Variants in FBXL7 observed in about 807,000 individuals in gnomAD.
The protein encoded by FBXL7 is F-box and leucine rich repeat protein 7.
A neutral mutation model predicts 38.3 loss-of-function variants in FBXL7; 12 were observed. That is an observed-to-expected ratio of 0.31 (90% CI 0.20 to 0.51). The LOEUF is 0.51. Ranked by LOEUF, FBXL7 falls within the 20% of genes least tolerant of loss-of-function variation. FBXL7 has a pLI of 0.98. For synonymous variants in FBXL7, 297 were observed against 300.9 expected (o/e 0.99, Z 0.13); for missense variants, 567 against 676.4 (o/e 0.84, Z 1.79).
intron 2 of FBXL7, among the ~76,000 whole-genome samples, chr5:15,728,490 G>A (rs1336313855): frequency 6.6e-6 from 1 of 152,062 alleles, no homozygotes; most frequent in African/African-American, 2.4e-5. Context: ...TTCTCACAAA[G>A]CAAACTTTTA....
intron 2 of FBXL7, among the ~76,000 whole-genome samples, chr5:15,620,438 C>T (rs1254912636): frequency 2.8e-5 from 4 of 142,548 alleles, no homozygotes; most frequent in East Asian, 2.0e-4. Flanking sequence ...TAAGTAGAAA[C>T]GGGGTTTCAC....
intron 2 of FBXL7, among the ~76,000 whole-genome samples, chr5:15,904,037 C>A (rs1424728229): frequency 6.6e-6 from 1 of 152,104 alleles, no homozygotes; most frequent in African/African-American, 2.4e-5. Context: ...GTATACCTTA[C>A]AATAGTTACT....
chr5:15,856,011 G>A (rs1212124468), intron 2 of FBXL7, among the ~76,000 whole-genome samples: 1 of 152,056 alleles, frequency 6.6e-6, no homozygotes, highest in African/African-American at 2.4e-5. Flanking sequence ...ACAAATAGAG[G>A]GGATGTATTA....
At chr5:15,626,258 T>A (rs1260229836) in intron 2 of FBXL7, among the ~76,000 whole-genome samples, 1 of 152,146 alleles carries the variant, frequency 6.6e-6, no homozygotes, top group Non-Finnish European at 1.5e-5. Context: ...AGGTAACTTT[T>A]GAAAAACTGC....
At position 15,858,307 on chromosome 5, in the gene FBXL7, A is replaced by T. The variant is rs946300340; in HGVS notation, c.128-69583A>T. Among the ~76,000 whole-genome samples, 14 of 151,990 alleles carry T rather than the reference A, an allele frequency of 9.2e-5. 1 individual carries two copies. Among genetic ancestry groups the T allele is most frequent in the African/African-American group, 3.4e-4 (14 of 41,498 alleles). On this transcript the variant is annotated intron_variant, in intron 2 of 3. Coordinates refer to ENST00000504595, the MANE Select transcript of FBXL7 (RefSeq NM_012304.5). ...ACATTTTATCTATCATATAACAAAT[A>T]ACCATAAATGACACATCAGCATTGA...
rs138116980 is a variant in FBXL7, at chr5:15,517,228, G to A, written c.37+16515G>A. On this transcript the variant is annotated intron_variant, in intron 1 of 3. Transcript: ENST00000504595. ...TTTTTAGTAGAGACGGGGTTTCACC[G>A]TGTTAGCCAGGATGGTCTCGATCAT... is the stretch of plus-strand genomic sequence containing the variant. Among the ~76,000 whole-genome samples, 568 of 152,038 alleles carry A rather than the reference G, an allele frequency of 3.7e-3. 4 individuals are homozygous for A. The highest frequency in any genetic ancestry group is 6.1e-3 in the Non-Finnish European group (415 of 67,966).
intron 2 of FBXL7, among the ~76,000 whole-genome samples, chr5:15,896,443 T>C (rs960074724): frequency 1.3e-5 from 2 of 152,158 alleles, no homozygotes; most frequent in South Asian, 4.1e-4. Flanking sequence ...ACCTATCTCA[T>C]AGTTCCAGCT....
At chr5:15,773,585 G>C (rs1168373355) in intron 2 of FBXL7, among the ~76,000 whole-genome samples, 2 of 152,122 alleles carry the variant, frequency 1.3e-5, no homozygotes, top group Non-Finnish European at 2.9e-5. Context: ...GAAGTTTGAG[G>C]CTACAGTGAT....
intron 2 of FBXL7, among the ~76,000 whole-genome samples, chr5:15,771,154 A>T (rs1464155350): frequency 6.6e-6 from 1 of 152,194 alleles, no homozygotes; most frequent in Non-Finnish European, 1.5e-5. Context: ...TGGACCTGAG[A>T]AGGGAAGTCA....
chr5:15,905,864 GACCCCA>G (rs948903820), intron 2 of FBXL7, among the ~76,000 whole-genome samples: 2 of 151,948 alleles, frequency 1.3e-5, no homozygotes, highest in African/African-American at 2.4e-5. Context: ...CCTCCTCTTC[GACCCCA>G]ACCCCAACCC....
chr5:15,523,267 T>G (rs1462592984), intron 1 of FBXL7, among the ~76,000 whole-genome samples: 1 of 152,142 alleles, frequency 6.6e-6, no homozygotes, highest in Non-Finnish European at 1.5e-5. Context: ...TTTTAAAAAT[T>G]CACATAGTAG....
intron 2 of FBXL7, among the ~76,000 whole-genome samples, chr5:15,766,906 T>G (rs6870946): frequency 6.6e-6 from 1 of 152,140 alleles, no homozygotes; most frequent in East Asian, 1.9e-4. Flanking sequence ...GAATACAGTT[T>G]TTTACTCTAA....
intron 1 of FBXL7, among the ~76,000 whole-genome samples, chr5:15,572,025 A>G (rs1738805140): frequency 6.6e-6 from 1 of 152,148 alleles, no homozygotes; most frequent in Non-Finnish European, 1.5e-5. Context: ...CATATGTGAA[A>G]TATCTAACCT....
At chr5:15,738,918 G>C (rs1302464185) in intron 2 of FBXL7, among the ~76,000 whole-genome samples, 2 of 152,212 alleles carry the variant, frequency 1.3e-5, no homozygotes, top group African/African-American at 4.8e-5. Context: ...GCTGATGCCT[G>C]TCCACAGACA....
intron 2 of FBXL7, among the ~76,000 whole-genome samples, chr5:15,921,056 C>T (rs1015207226): frequency 2.0e-5 from 3 of 152,076 alleles, no homozygotes; most frequent in South Asian, 2.1e-4. Flanking sequence ...TAAAATTTTA[C>T]GATTTTATAA....
chr5:15,879,114 A>G (rs1394094856), intron 2 of FBXL7, among the ~76,000 whole-genome samples: 2 of 152,200 alleles, frequency 1.3e-5, no homozygotes, highest in Non-Finnish European at 2.9e-5. Context: ...AAGCTAGTGC[A>G]TTAATTTTCA....
chr5:15,530,018 T>C (rs932230975), intron 1 of FBXL7, among the ~76,000 whole-genome samples: 14 of 152,102 alleles, frequency 9.2e-5, no homozygotes, highest in Admixed American at 3.3e-4. Context: ...TTAGCTGACA[T>C]TGCAGTGTTT....
intron 2 of FBXL7, among the ~76,000 whole-genome samples, chr5:15,714,087 G>A (rs1258258898): frequency 6.6e-6 from 1 of 152,184 alleles, no homozygotes; most frequent in Admixed American, 6.5e-5. Flanking sequence ...TGGATTGTTT[G>A]GGTGGACCCA....
At chr5:15,781,082 A>G (rs1472611113) in intron 2 of FBXL7, among the ~76,000 whole-genome samples, 2 of 152,174 alleles carry the variant, frequency 1.3e-5, no homozygotes, top group Admixed American at 1.3e-4. Context: ...CTCTGCTATC[A>G]TCTCTCTTCC....
Sources: allele counts gnomAD v4.1 joint callset (sites outside exome capture counted in the v4.1 genomes callset), GRCh38; gene constraint gnomAD v4.1.1; transcripts MANE v1.5; gene names NCBI Gene and HGNC (gene_info 2026-07-23, HGNC 2026-07-21).